The following GRHPR variants were observed in gnomAD, a reference collection of about 807,000 sequenced individuals.
The protein encoded by GRHPR is glyoxylate and hydroxypyruvate reductase.
In GRHPR, 35 loss-of-function variants were observed where a neutral mutation model predicts 36.8. The ratio of observed to expected loss-of-function variants is 0.95; its 90% CI spans 0.73 to 1.26. The LOEUF (loss-of-function observed/expected upper bound fraction) is 1.26. GRHPR is among the 50% of genes most tolerant of loss of function. The pLI is 0.00. For missense variants in GRHPR, 380 were observed against 435.0 expected (o/e 0.87, Z 1.12); for synonymous variants, 179 against 181.0 (o/e 0.99, Z 0.09).
chr9:37,435,322 T>C (rs1276214901), intron 8 of GRHPR, among the ~76,000 whole-genome samples: 2 of 152,194 alleles, frequency 1.3e-5, no homozygotes, highest in Admixed American at 6.5e-5. Context: ...ACCTTGAGTA[T>C]GTAAAGGGGT....
Position 37,429,832 on chromosome 9 carries a change from G to A in GRHPR, c.594G>A (p.Glu198=), listed in dbSNP as rs1823274583. ...AGGAAGCAGCAGAATTCCAGGCAGA[G>A]TTTGGTAAGTGAAGCCTTGATTTCC... ...RPEEAAEFQA[E]FVSTPELAAQ... Residue 198 remains glutamate, a synonymous_variant, in exon 6 of 9, where the codon GAG becomes GAA. Transcript: ENST00000318158. 1 of 1,562,646 alleles carries A rather than the reference G, an allele frequency of 6.4e-7. No individual in the cohort carries two copies. Among genetic ancestry groups the A allele is most frequent in the Non-Finnish European group, 8.8e-7 (1 of 1,132,884 alleles).
At chr9:37,429,674 GGTGGT>G in intron 5 of GRHPR, 53 bp from the exon 6 acceptor site, 1 of 1,105,622 alleles carries the variant, frequency 9.0e-7, no homozygotes, top group Non-Finnish European at 1.4e-6. Flanking sequence ...AGAAATGCTG[GGTGGT>G]GTCCCTACCC....
At chr9:37,431,157 ACCTT>A (rs1393722257) in intron 7 of GRHPR, 2 of 396,040 alleles carry the variant, frequency 5.0e-6, no homozygotes, top group African/African-American at 4.2e-5. Context: ...TGGAGGTCAG[ACCTT>A]CCTTCTCTGC....
At chr9:37,437,642 C>T (rs1823734775), downstream of GRHPR, among the ~76,000 whole-genome samples, 1 of 151,828 alleles carries the variant, frequency 6.6e-6, no homozygotes. Context: ...ATATTGTTCC[C>T]TTTGCCCATT....
At chr9:37,433,623 G>A (rs1823487035) in intron 8 of GRHPR, among the ~76,000 whole-genome samples, 1 of 152,144 alleles carries the variant, frequency 6.6e-6, no homozygotes, top group Admixed American at 6.5e-5. Flanking sequence ...ATTTCAGCAG[G>A]TCTGGGGTGG....
intron 7 of GRHPR, chr9:37,430,879 C>T (rs915142779): frequency 3.5e-5 from 22 of 636,358 alleles, no homozygotes; most frequent in East Asian, 3.0e-4. Context: ...GGCCCCCACC[C>T]GGCGGGGCCT....
chr9:37,433,787 A>G (rs1823497194), intron 8 of GRHPR: 1 of 342,306 alleles, frequency 2.9e-6, no homozygotes, highest in African/African-American at 2.1e-5. Context: ...CTGTTCAGGT[A>G]GCTGGTGGAG....
rs1344479406 is a variant in GRHPR at position 37,436,472 on chromosome 9, T to TGTTA, written c.866-186_866-183dup. Among the ~76,000 whole-genome samples the TGTTA allele has an allele frequency of 3.9e-5, 6 of 152,324 alleles. No individual in the cohort carries two copies. The East Asian group carries it at 9.6e-4, about 24-fold the overall frequency. On this transcript the variant is annotated intron_variant, in intron 8 of 8. Transcript: ENST00000318158. ...TTAGTAGCCTGGAGGCCCTTCACTC[T>TGTTA]GTTAGTCTGAACCTCAGCTCTGGGG...
intron 8 of GRHPR, chr9:37,434,760 A>G (rs538335884): frequency 6.5e-6 from 1 of 153,030 alleles, no homozygotes; most frequent in South Asian, 2.0e-4. Context: ...CATATACGCT[A>G]AAAAAATGGG....
chr9:37,430,598 A>T lies in GRHPR; in HGVS notation c.686A>T (p.Asp229Val), dbSNP rs202212690. 1 of 1,613,420 alleles carries T rather than the reference A, an allele frequency of 6.2e-7. No homozygotes were observed. Among genetic ancestry groups the T allele is most frequent in the Non-Finnish European group, 8.5e-7 (1 of 1,179,398 alleles). ...GCAACCGAGGGACTCTGCAACAAGG[A>T]CTTCTTCCAGAAGATGAAGGAAACA... is the stretch of plus-strand genomic sequence containing the variant. ...TPATEGLCNK[D>V]FFQKMKETAV... Residue 229 changes from aspartate to valine, a missense_variant, in exon 7 of 9, where the codon GAC becomes GTC. Asp to Val is a radical substitution (Grantham distance 152). Coordinates refer to ENST00000318158, the MANE Select transcript of GRHPR (RefSeq NM_012203.2).
intron 8 of GRHPR, chr9:37,433,921 T>C: frequency 2.5e-6 from 1 of 397,426 alleles, no homozygotes; most frequent in Non-Finnish European, 4.4e-6. Flanking sequence ...CAGTGAATGC[T>C]CCCATTATTG....
chr9:37,430,492 G>C lies in GRHPR; in HGVS notation c.599-19G>C, dbSNP rs376231155. 55 of 1,611,724 alleles carry C rather than the reference G, an allele frequency of 3.4e-5. No homozygotes were observed. The East Asian group carries it at 1.1e-3, about 32-fold the overall frequency. On this transcript the variant is annotated intron_variant, in intron 6 of 8. Coordinates refer to ENST00000318158, the MANE Select transcript of GRHPR (RefSeq NM_012203.2). The stretch of plus-strand genomic sequence containing the variant: ...CTAGCCTGGGACTCAGTGCCTGATG[G>C]AGTCCTGCCCTCCCTCAGTGTCTAC...
intron 8 of GRHPR, among the ~76,000 whole-genome samples, chr9:37,435,034 C>G (rs761040632): frequency 6.6e-6 from 1 of 152,192 alleles, no homozygotes; most frequent in East Asian, 1.9e-4. Flanking sequence ...GGAGGATCAC[C>G]TAAGACCAAG....
chr9:37,434,480 G>T, intron 8 of GRHPR: 1 of 564,048 alleles, frequency 1.8e-6, no homozygotes, highest in Non-Finnish European at 3.3e-6. Flanking sequence ...CCAGATCTTT[G>T]TCCCCAAGAA....
At position 37,432,119 on chromosome 9, in the gene GRHPR, C is replaced by T. The variant is rs146293016; in HGVS notation, c.846C>T (p.Leu282=). The T allele has an allele frequency of 6.2e-7, 1 of 1,613,908 alleles. No individual in the cohort carries two copies. The highest frequency in any genetic ancestry group is 1.3e-5 in the African/African-American group (1 of 74,918). The part of the protein sequence containing the change: ...SPEPLPTNHP[L]LTLKNCVILP... ...AACCACTGCCTACAAACCACCCTCT[C>T]CTGACCCTGAAGAACTGTGGTAAGA... Residue 282 remains leucine (L), a synonymous_variant, in exon 8 of 9, where the codon CTC becomes CTT. Transcript: ENST00000318158.
intron 4 of GRHPR, chr9:37,428,185 C>T: frequency 1.9e-6 from 1 of 519,536 alleles, no homozygotes; most frequent in Non-Finnish European, 3.5e-6. Flanking sequence ...TCAACTCTTC[C>T]CTGGTTGTGT....
chr9:37,438,642 G>A (rs1471179395), downstream of GRHPR: 10 of 152,310 alleles, frequency 6.6e-5, no homozygotes, highest in Admixed American at 5.9e-4. Context: ...CCTGGGTCCA[G>A]GCAGGGCCTC....
intron 4 of GRHPR, among the ~76,000 whole-genome samples, chr9:37,427,381 G>A (rs1041659019): frequency 4.6e-5 from 7 of 152,216 alleles, no homozygotes; most frequent in Admixed American, 3.9e-4. Flanking sequence ...ACTTTCCTAA[G>A]TTTTGCTGCA....
intron 8 of GRHPR, among the ~76,000 whole-genome samples, chr9:37,435,360 G>T (rs1471262127): frequency 6.6e-6 from 1 of 152,166 alleles, no homozygotes; most frequent in Non-Finnish European, 1.5e-5. Flanking sequence ...ACATATTTTG[G>T]TTTCCATGTT....
Sources: gnomAD v4.1 joint callset for allele counts (sites outside exome capture counted in the v4.1 genomes callset) on GRCh38, gnomAD v4.1.1 for gene constraint, MANE v1.5 for transcripts, NCBI Gene and HGNC (gene_info 2026-07-23, HGNC 2026-07-21) for gene names.